EFNA5: variants seen among roughly 807,000 people sequenced by gnomAD.
EFNA5 encodes ephrin-A5.
A neutral mutation model predicts 22.9 loss-of-function variants in EFNA5; 5 were observed. The observed-to-expected ratio is 0.22, with a 90% CI of 0.11 to 0.46. EFNA5 has a LOEUF of 0.46. Among genes scored for constraint, EFNA5 ranks in the 20% least tolerant of loss-of-function variants. The pLI is 0.99. For synonymous variants in EFNA5, 113 were observed against 112.2 expected (o/e 1.01, Z -0.04); for missense variants, 237 against 293.3 (o/e 0.81, Z 1.40).
chr5:107,570,309 A>G, intron 1 of EFNA5, among the ~76,000 whole-genome samples: 1 of 152,228 alleles, frequency 6.6e-6, no homozygotes, highest in East Asian at 1.9e-4. Context: ...CAACAGACAC[A>G]GTGAATCCAA....
At chr5:107,557,467 G>C (rs543569019) in intron 1 of EFNA5, among the ~76,000 whole-genome samples, 1 of 152,232 alleles carries the variant, frequency 6.6e-6, no homozygotes, top group Non-Finnish European at 1.5e-5. Context: ...CAGAGTTGAG[G>C]GTTGACAGGA....
At chr5:107,457,965 G>T (rs867319273) in intron 1 of EFNA5, among the ~76,000 whole-genome samples, 2 of 152,118 alleles carry the variant, frequency 1.3e-5, no homozygotes, top group South Asian at 4.1e-4. Flanking sequence ...GACAAAGAGA[G>T]ATTTTAGAAC....
intron 1 of EFNA5, among the ~76,000 whole-genome samples, chr5:107,623,742 T>C (rs549333319): frequency 9.3e-4 from 140 of 151,022 alleles, no homozygotes; most frequent in African/African-American, 3.2e-3. Flanking sequence ...TTGCCAATAC[T>C]ATAAATCACA....
chr5:107,465,057 G>A (rs952668164), intron 1 of EFNA5, among the ~76,000 whole-genome samples: 11 of 122,400 alleles, frequency 9.0e-5, no homozygotes, highest in Non-Finnish European at 1.5e-4. Context: ...TCCATTCTGT[G>A]TGAGGCTTTT....
chr5:107,664,474 G>T lies in EFNA5; in HGVS notation c.125+6015C>A, dbSNP rs78844890. Among the ~76,000 whole-genome samples the T allele has an allele frequency of 1.1e-3, 167 of 152,198 alleles. 3 individuals carry two copies. In the East Asian group the frequency reaches 0.03, roughly 27 times the overall value. On this transcript the variant is annotated intron_variant, in intron 1 of 4. Transcript: ENST00000333274. Reference sequence around the variant, plus strand: ...GAAACTTTTCTACAAAACAGCTCAGGACATAGGTTGAAAAGCAGACTAAAA... The same window carrying T: ...GAAACTTTTCTACAAAACAGCTCAGTACATAGGTTGAAAAGCAGACTAAAA...
chr5:107,502,324 G>A (rs907020471), intron 1 of EFNA5, among the ~76,000 whole-genome samples: 4 of 152,144 alleles, frequency 2.6e-5, no homozygotes, highest in African/African-American at 9.7e-5. Context: ...TCTTAGCCAC[G>A]AGCTAACAGT....
At chr5:107,588,423 A>T (rs1404957453) in intron 1 of EFNA5, among the ~76,000 whole-genome samples, 1 of 152,116 alleles carries the variant, frequency 6.6e-6, no homozygotes, top group African/African-American at 2.4e-5. Context: ...CTCTGCACTG[A>T]CACTAATCTG....
intron 1 of EFNA5, among the ~76,000 whole-genome samples, chr5:107,649,673 C>A (rs1750690552): frequency 6.6e-6 from 1 of 152,108 alleles, no homozygotes; most frequent in South Asian, 2.1e-4. Flanking sequence ...TTAGACTATG[C>A]TCTCTCTTTG....
At chr5:107,622,602 T>C (rs1288620787) in intron 1 of EFNA5, among the ~76,000 whole-genome samples, 1 of 152,168 alleles carries the variant, frequency 6.6e-6, no homozygotes, top group African/African-American at 2.4e-5. Context: ...TCCTTGCAAA[T>C]CGGTTTACCT....
At chr5:107,496,201 T>G (rs1233672049) in intron 1 of EFNA5, among the ~76,000 whole-genome samples, 2 of 146,810 alleles carry the variant, frequency 1.4e-5, no homozygotes, top group African/African-American at 5.0e-5. Flanking sequence ...ATAAATTAGC[T>G]GGGCGTGGTG....
intron 2 of EFNA5, among the ~76,000 whole-genome samples, chr5:107,420,522 T>TAAAAAAAAAAAAAAAA (rs368304882): frequency 9.2e-6 from 1 of 109,078 alleles, no homozygotes; most frequent in Non-Finnish European, 1.8e-5. Context: ...TCTGTGCTTT[T>TAAAAAAAAAAAAAAAA]AAAAAAAAAA....
intron 1 of EFNA5, among the ~76,000 whole-genome samples, chr5:107,446,114 AC>A (rs1302828416): frequency 6.6e-6 from 1 of 152,190 alleles, no homozygotes; most frequent in Non-Finnish European, 1.5e-5. Flanking sequence ...CTCACCTGTA[AC>A]ATCAGAACAT....
chr5:107,453,230 A>T (rs552241153), intron 1 of EFNA5, among the ~76,000 whole-genome samples: 1 of 151,250 alleles, frequency 6.6e-6, no homozygotes, highest in African/African-American at 2.4e-5. Flanking sequence ...CTATTTAGAC[A>T]TATTAGATAT....
intron 1 of EFNA5, among the ~76,000 whole-genome samples, chr5:107,547,798 C>T (rs1748200341): frequency 6.6e-6 from 1 of 151,954 alleles, no homozygotes; most frequent in African/African-American, 2.4e-5. Context: ...TTTTTTTCCC[C>T]CACAGAAATT....
intron 2 of EFNA5, among the ~76,000 whole-genome samples, chr5:107,417,902 A>G (rs1358738783): frequency 6.6e-6 from 1 of 152,212 alleles, no homozygotes; most frequent in Non-Finnish European, 1.5e-5. Context: ...TAGAGCAAGA[A>G]TAGATGAGTG....
intron 1 of EFNA5, among the ~76,000 whole-genome samples, chr5:107,623,460 C>T (rs941657007): frequency 6.6e-6 from 1 of 152,134 alleles, no homozygotes; most frequent in Non-Finnish European, 1.5e-5. Context: ...AAAACTCTTT[C>T]TTTCCTAATG....
At chr5:107,536,423 T>G (rs1747930414) in intron 1 of EFNA5, among the ~76,000 whole-genome samples, 1 of 152,226 alleles carries the variant, frequency 6.6e-6, no homozygotes, top group Non-Finnish European at 1.5e-5. Context: ...AAAACTTCTT[T>G]CAAATCCTTC....
chr5:107,569,559 T>TTATATTTATATATATATATA (rs1554067019), intron 1 of EFNA5, among the ~76,000 whole-genome samples: 1 of 42,530 alleles, frequency 2.4e-5, no homozygotes, highest in Admixed American at 2.6e-4. Context: ...ATATATATAT[T>TTATATTTATATATATATATA]TATATATATA....
chr5:107,415,998 C>T lies in EFNA5; in HGVS notation c.418+11219G>A, dbSNP rs190398745. 6.4e-4 allele frequency among the ~76,000 whole-genome samples: 98 copies of T among 152,254 alleles called. 1 individual carries two copies. The Middle Eastern group carries it at 0.01, about 16-fold the overall frequency. On this transcript the variant is annotated intron_variant, in intron 2 of 4. Transcript: ENST00000333274. The stretch of plus-strand genomic sequence containing the variant: ...ATTGATTCTGTTAATGAAATTTAAC[C>T]TCTGAAAAATGACTCAGGGCACTGA...
Sources: gnomAD v4.1 joint callset for allele counts (sites outside exome capture counted in the v4.1 genomes callset) on GRCh38, gnomAD v4.1.1 for gene constraint, MANE v1.5 for transcripts, NCBI Gene and HGNC (gene_info 2026-07-23, HGNC 2026-07-21) for gene names.